The following ZDHHC20 variants were observed in gnomAD, a reference collection of about 807,000 sequenced individuals.
ZDHHC20 encodes zDHHC palmitoyltransferase 20.
A neutral mutation model predicts 57.8 loss-of-function variants in ZDHHC20; 43 were observed. The ratio of observed to expected loss-of-function variants is 0.74; its 90% CI spans 0.58 to 0.96. The LOEUF is 0.96. Ranked by LOEUF, ZDHHC20 falls within the 40% of genes least tolerant of loss-of-function variation. The probability of loss-of-function intolerance (pLI) is 0.00; values close to 1 mark genes in which losing one functional copy is unlikely to be tolerated. For synonymous variants in ZDHHC20, 157 were observed against 153.0 expected, an observed-to-expected ratio of 1.03 and a Z score of -0.19; for missense variants, 391 against 441.1, an observed-to-expected ratio of 0.89 and a Z score of 1.02.
At chr13:21,452,454 C>T (rs906847929) in intron 1 of ZDHHC20, among the ~76,000 whole-genome samples, 1 of 152,046 alleles carries the variant, frequency 6.6e-6, no homozygotes, top group Non-Finnish European at 1.5e-5. Context: ...ACTTGCACTA[C>T]AATAAACGTT....
chr13:21,409,426 T>A (rs1166814738), intron 4 of ZDHHC20, among the ~76,000 whole-genome samples: 1 of 152,236 alleles, frequency 6.6e-6, no homozygotes, highest in African/African-American at 2.4e-5. Flanking sequence ...CTGATGGTAG[T>A]TTGTATTTCT....
In ZDHHC20 at chr13:21,381,601, T is replaced by C; in HGVS notation, c.945-52A>G. ...AAACAGCTTAATGCTCAACTATGGA[T>C]ACTTAATAAATTAATAAGCAGCAAA... On this transcript the variant is annotated intron_variant, in intron 10 of 12. Transcript: ENST00000400590. 7 of 1,236,114 alleles carry C rather than the reference T, an allele frequency of 5.7e-6. No individual in the cohort carries two copies. The South Asian group carries it at 8.9e-5, about 16-fold the overall frequency. 76.6% of individuals were successfully genotyped at this position (1,236,114 alleles called of 1,614,324 possible).
In ZDHHC20 at chr13:21,402,714, A is replaced by G. The variant is rs1877873981; in HGVS notation, c.440+83T>C. On this transcript the variant is annotated intron_variant, in intron 5 of 12. Coordinates refer to ENST00000400590, the MANE Select transcript of ZDHHC20 (RefSeq NM_001330059.2). ...GAAGTGTTCTTGTCAAGTGTAAAGC[A>G]TATAAAATGTTCCTTCCCCTTGCAC... The G allele has an allele frequency of 2.7e-6, 3 of 1,127,060 alleles. No individual in the cohort carries two copies. The East Asian group carries it at 7.7e-5, about 29-fold the overall frequency. 69.8% of individuals were successfully genotyped at this position (1,127,060 alleles called of 1,614,324 possible).
chr13:21,382,881 T>C, intron 10 of ZDHHC20, 39 bp downstream of exon 10: 1 of 1,500,204 alleles, frequency 6.7e-7, no homozygotes, highest in Non-Finnish European at 9.1e-7. Flanking sequence ...CGGTTTGCTT[T>C]ATGATGAATA....
At chr13:21,432,731 AG>A (rs1442547673) in intron 1 of ZDHHC20, among the ~76,000 whole-genome samples, 1 of 152,132 alleles carries the variant, frequency 6.6e-6, no homozygotes, top group African/African-American at 2.4e-5. Context: ...GGCCTCCCAA[AG>A]TGCTGGGATT....
intron 1 of ZDHHC20, among the ~76,000 whole-genome samples, chr13:21,441,389 C>CT (rs1374485267): frequency 3.7e-4 from 54 of 147,146 alleles, no homozygotes; most frequent in Non-Finnish European, 6.0e-4. Flanking sequence ...TTTCTTTTCT[C>CT]TCTTTTTTTT....
chr13:21,390,864 C>A (rs552608649), intron 8 of ZDHHC20, among the ~76,000 whole-genome samples: 2 of 150,358 alleles, frequency 1.3e-5, no homozygotes, highest in Non-Finnish European at 3.0e-5. Flanking sequence ...GGTACTACTG[C>A]ACTCTAGCCA....
At chr13:21,448,470 G>T (rs1179904442) in intron 1 of ZDHHC20, among the ~76,000 whole-genome samples, 2 of 103,900 alleles carry the variant, frequency 1.9e-5, no homozygotes, top group African/African-American at 6.2e-5. Flanking sequence ...GAGGTGGGGG[G>T]GGTCAGCCCC....
At chr13:21,419,402 C>T (rs1330668505) in intron 3 of ZDHHC20, among the ~76,000 whole-genome samples, 1 of 152,202 alleles carries the variant, frequency 6.6e-6, no homozygotes, top group Non-Finnish European at 1.5e-5. Context: ...AAGAGACATG[C>T]ACTAGAATGT....
chr13:21,389,240 A>T (rs773643968), intron 8 of ZDHHC20, among the ~76,000 whole-genome samples: 1 of 152,182 alleles, frequency 6.6e-6, no homozygotes, highest in Non-Finnish European at 1.5e-5. Flanking sequence ...GACACCCTCA[A>T]AAGACCCAAG....
intron 8 of ZDHHC20, 22 bp downstream of exon 8, chr13:21,391,700 T>C (rs978649097): frequency 6.3e-7 from 1 of 1,587,902 alleles, no homozygotes; most frequent in African/African-American, 1.4e-5. Flanking sequence ...TAAGTAATTA[T>C]AATTTATTTT....
At chr13:21,408,271 T>C (rs542658382) in intron 4 of ZDHHC20, among the ~76,000 whole-genome samples, 1 of 152,334 alleles carries the variant, frequency 6.6e-6, no homozygotes, top group Admixed American at 6.5e-5. Context: ...GTTCTTCCAT[T>C]TGTTTGTGTC....
chr13:21,447,318 C>T (rs1395723559), intron 1 of ZDHHC20, among the ~76,000 whole-genome samples: 1 of 150,544 alleles, frequency 6.6e-6, no homozygotes, highest in Admixed American at 6.6e-5. Flanking sequence ...CTCTCCCTCT[C>T]CCCACGGTCT....
intron 1 of ZDHHC20, among the ~76,000 whole-genome samples, chr13:21,444,150 T>C (rs1214550739): frequency 2.0e-5 from 3 of 152,214 alleles, no homozygotes; most frequent in Non-Finnish European, 2.9e-5. Flanking sequence ...AGCGAGACTC[T>C]GTCTCAAAAA....
chr13:21,395,173 TCTC>T (rs1198176595), intron 7 of ZDHHC20, among the ~76,000 whole-genome samples: 2 of 151,612 alleles, frequency 1.3e-5, no homozygotes, highest in Admixed American at 1.3e-4. Flanking sequence ...TTCATGCTAT[TCTC>T]CTGCCTCAGC....
At chr13:21,402,250 A>AAC (rs1877754810) in intron 5 of ZDHHC20, among the ~76,000 whole-genome samples, 1 of 152,110 alleles carries the variant, frequency 6.6e-6, no homozygotes, top group Non-Finnish European at 1.5e-5. Flanking sequence ...GGGCTTGGAG[A>AAC]TGGTTATTTT....
intron 9 of ZDHHC20, among the ~76,000 whole-genome samples, chr13:21,386,965 C>A (rs1047442745): frequency 6.6e-6 from 1 of 152,196 alleles, no homozygotes; most frequent in Non-Finnish European, 1.5e-5. Context: ...ATAACTCTTA[C>A]AAATATGTCA....
At position 21,387,577 on chromosome 13, in the gene ZDHHC20, C is replaced by A; in HGVS notation, c.785G>T (p.Gly262Val). 1 of 1,521,064 alleles carries A rather than the reference C, an allele frequency of 6.6e-7. No individual in the cohort carries two copies. Among genetic ancestry groups the A allele is most frequent in the South Asian group, 1.3e-5 (1 of 78,068 alleles). 94.2% of individuals were successfully genotyped at this position (1,521,064 alleles called of 1,614,324 possible). A position where few individuals can be genotyped will look rare whatever the true frequency, so the allele number is the denominator to read the frequency against. The part of the protein sequence containing the change: ...YGPDGNGFSL[G>V]CSKNWRQVFG... ...GACTTGTCTCCAATTTTTACTGCAT[C>A]CAAGAGAGAAACCATTTCCATCAGG... is the stretch of plus-strand genomic sequence containing the variant. The change falls in exon 9 of 13, where the codon GGA becomes GTA. Residue 262 changes from glycine (G) to valine (V), a missense_variant. Physicochemically the swap from Gly to Val is moderately radical, Grantham distance 109. Around this residue, in one of 3 missense-constraint regions of ZDHHC20, gnomAD observed 197 missense variants for 220.8 expected, o/e 0.89. Transcript: ENST00000400590.
At chr13:21,404,722 C>A (rs141271399) in intron 4 of ZDHHC20, among the ~76,000 whole-genome samples, 4 of 150,974 alleles carry the variant, frequency 2.6e-5, no homozygotes, top group African/African-American at 9.8e-5. Context: ...CCACTGCACT[C>A]CAACCTGGGT....
Sources: allele counts gnomAD v4.1 joint callset (sites outside exome capture counted in the v4.1 genomes callset), GRCh38; gene constraint gnomAD v4.1.1; regional missense constraint gnomAD v4.1.1; transcripts MANE v1.5; gene names NCBI Gene and HGNC (gene_info 2026-07-23, HGNC 2026-07-21).